Variants in ENTPD1 observed in about 807,000 individuals in gnomAD.
ENTPD1 encodes the protein ectonucleoside triphosphate diphosphohydrolase 1, also known as ATP diphosphohydrolase.
Under a neutral mutation model 57.0 loss-of-function variants are expected in ENTPD1, and 33 were observed. That is an observed-to-expected ratio of 0.58 (90% confidence interval 0.44 to 0.77). ENTPD1 has a LOEUF of 0.77. ENTPD1 is among the 30% of genes least tolerant of loss of function. The probability of loss-of-function intolerance (pLI) is 0.00; values close to 1 mark genes in which losing one functional copy is unlikely to be tolerated. For synonymous variants in ENTPD1, 202 were observed against 218.8 expected (o/e 0.92, Z 0.68); for missense variants, 501 against 603.4 (o/e 0.83, Z 1.78).
intron 7 of ENTPD1, among the ~76,000 whole-genome samples, chr10:95,852,328 T>C (rs1185427270): frequency 2.6e-5 from 4 of 152,222 alleles, no homozygotes; most frequent in Non-Finnish European, 5.9e-5. Context: ...TTCTGGATAT[T>C]AGCCCTTTGT....
chr10:95,766,901 G>T, intron 1 of ENTPD1, among the ~76,000 whole-genome samples: 1 of 148,586 alleles, frequency 6.7e-6, no homozygotes, highest in African/African-American at 2.5e-5. Context: ...TTTTTTTGAG[G>T]CAGGGTCTTG....
At chr10:95,709,721 C>A (rs2097964010), upstream of ENTPD1, among the ~76,000 whole-genome samples, 1 of 151,860 alleles carries the variant, frequency 6.6e-6, no homozygotes, top group Admixed American at 6.6e-5. Flanking sequence ...TTTCTTTTCC[C>A]ACTCCTGCTC....
chr10:95,851,431 C>T (rs914508361), intron 7 of ENTPD1, among the ~76,000 whole-genome samples: 1 of 147,686 alleles, frequency 6.8e-6, no homozygotes. Flanking sequence ...GTTGGATGAT[C>T]TTTTTTTTTT....
chr10:95,845,794 T>A, intron 6 of ENTPD1, 198 bp downstream of exon 6: 1 of 739,546 alleles, frequency 1.4e-6, no homozygotes, highest in Admixed American at 2.5e-5. Context: ...CCCATGTTTG[T>A]TTACTGCGTT....
intron 1 of ENTPD1, among the ~76,000 whole-genome samples, chr10:95,804,419 T>C (rs1267528941): frequency 6.6e-6 from 1 of 152,236 alleles, no homozygotes; most frequent in Admixed American, 6.5e-5. Flanking sequence ...GTAAGTTGGA[T>C]TCCTAGGTAT....
At chr10:95,801,937 G>A (rs912542443) in intron 1 of ENTPD1, among the ~76,000 whole-genome samples, 2 of 152,162 alleles carry the variant, frequency 1.3e-5, no homozygotes, top group Admixed American at 1.3e-4. Context: ...CCATTTTAAT[G>A]ATATGGATTC....
chr10:95,758,713 G>A (rs2098041829), intron 1 of ENTPD1, among the ~76,000 whole-genome samples: 1 of 152,178 alleles, frequency 6.6e-6, no homozygotes, highest in Non-Finnish European at 1.5e-5. Context: ...TGTGGGCAGA[G>A]TGGTGGGAGA....
intron 1 of ENTPD1, among the ~76,000 whole-genome samples, chr10:95,811,610 G>C (rs1303247350): frequency 1.3e-5 from 2 of 152,020 alleles, no homozygotes; most frequent in East Asian, 3.9e-4. Flanking sequence ...GATTAGTCTC[G>C]AACTCCTGGG....
intron 1 of ENTPD1, among the ~76,000 whole-genome samples, chr10:95,736,287 C>T (rs187732739): frequency 6.6e-6 from 1 of 152,192 alleles, no homozygotes; most frequent in Admixed American, 6.5e-5. Context: ...CAGATGTGAG[C>T]TGTCGTGCCC....
At chr10:95,820,214 C>T (rs2098344395) in intron 1 of ENTPD1, among the ~76,000 whole-genome samples, 1 of 152,192 alleles carries the variant, frequency 6.6e-6, no homozygotes, top group Non-Finnish European at 1.5e-5. Context: ...ATTTTAATTA[C>T]TGCTCTCTGG....
At chr10:95,751,943 G>C (rs1453034336), upstream of ENTPD1, among the ~76,000 whole-genome samples, 1 of 152,078 alleles carries the variant, frequency 6.6e-6, no homozygotes, top group Non-Finnish European at 1.5e-5. Context: ...AGGGAGAGAA[G>C]GCAAAGGGTG....
chr10:95,778,907 T>C (rs1036174657), intron 1 of ENTPD1, among the ~76,000 whole-genome samples: 1 of 152,234 alleles, frequency 6.6e-6, no homozygotes, highest in Non-Finnish European at 1.5e-5. Context: ...CCTTGTTTTA[T>C]AGTTAATGAG....
chr10:95,770,906 T>G (rs1459923784), intron 1 of ENTPD1, among the ~76,000 whole-genome samples: 1 of 152,200 alleles, frequency 6.6e-6, no homozygotes, highest in Non-Finnish European at 1.5e-5. Context: ...TTTGCTGTTT[T>G]AATTACAAAA....
chr10:95,857,882 C>T (rs1245407558), intron 7 of ENTPD1, among the ~76,000 whole-genome samples: 2 of 152,170 alleles, frequency 1.3e-5, no homozygotes, highest in Non-Finnish European at 2.9e-5. Flanking sequence ...ACTGCTGGGG[C>T]AGGTCGCGGT....
chr10:95,765,019 G>C (rs1050710832), intron 1 of ENTPD1, among the ~76,000 whole-genome samples: 1 of 152,068 alleles, frequency 6.6e-6, no homozygotes, highest in Non-Finnish European at 1.5e-5. Flanking sequence ...ACCACGCCTG[G>C]CCTCTTTGCC....
chr10:95,873,735 A>G lies in ENTPD1; in HGVS notation c.*7352A>G, dbSNP rs767596367. 377 of 974,582 alleles carry G rather than the reference A, an allele frequency of 3.9e-4. 1 individual carries two copies. The highest frequency in any genetic ancestry group is 2.6e-4 in the Non-Finnish European group (217 of 820,192). The allele number at this position is 974,582 out of a possible 1,614,324, so 60.4% of individuals were successfully genotyped here. A position where few individuals can be genotyped will look rare whatever the true frequency, so the allele number is the denominator to read the frequency against. ...TCGTTTCCATGCTGCTGATAAAGAC[A>G]TATCTGAGACTGGAAACAAAAAGGG... On this transcript the variant is annotated 3_prime_UTR_variant, in exon 10 of 10. Transcript: ENST00000371205.
At chr10:95,750,847 A>AC (rs2098010998), upstream of ENTPD1, among the ~76,000 whole-genome samples, 1 of 152,054 alleles carries the variant, frequency 6.6e-6, no homozygotes, top group African/African-American at 2.4e-5. Flanking sequence ...ATATGGTGAA[A>AC]CCCCATCTCC....
intron 1 of ENTPD1, among the ~76,000 whole-genome samples, chr10:95,760,814 C>CTGTTTTTTTTTTTTT (rs2098055682): frequency 1.6e-5 from 1 of 62,956 alleles, no homozygotes; most frequent in Non-Finnish European, 2.8e-5. Flanking sequence ...AGAGTTTATT[C>CTGTTTTTTTTTTTTT]TTTTTTTTTT....
intron 1 of ENTPD1, among the ~76,000 whole-genome samples, chr10:95,763,716 G>C (rs1416295129): frequency 4.3e-5 from 1 of 23,474 alleles, no homozygotes; most frequent in African/African-American, 6.2e-4. Context: ...TTAAACCACT[G>C]AGTTTTTTTA....
Sources: gnomAD v4.1 joint callset for allele counts (sites outside exome capture counted in the v4.1 genomes callset) on GRCh38, gnomAD v4.1.1 for gene constraint, MANE v1.5 for transcripts, NCBI Gene and HGNC (gene_info 2026-07-23, HGNC 2026-07-21) for gene names.